RBM27: variants seen among roughly 807,000 people sequenced by gnomAD.
RBM27 encodes the protein RNA-binding protein 27.
In RBM27, 22 loss-of-function variants were observed where a neutral mutation model predicts 135.3. That is an observed-to-expected ratio of 0.16 (90% CI 0.12 to 0.23). The LOEUF (loss-of-function observed/expected upper bound fraction) is 0.23, where lower values mean the gene tolerates loss of function less well. Ranked by LOEUF, RBM27 falls within the 10% of genes least tolerant of loss-of-function variation. The probability of loss-of-function intolerance (pLI) is 1.00; values close to 1 mark genes in which losing one functional copy is unlikely to be tolerated. For missense variants in RBM27, 1,009 were observed against 1,281.0 expected (o/e 0.79, Z 3.24); for synonymous variants, 481 against 442.4 (o/e 1.09, Z -1.10).
intron 19 of RBM27, among the ~76,000 whole-genome samples, chr5:146,282,102 C>T (rs1759384283): frequency 6.9e-6 from 1 of 144,368 alleles, no homozygotes; most frequent in Non-Finnish European, 1.5e-5. Flanking sequence ...CTCATGGGTT[C>T]AAGCGATTCT....
At chr5:146,206,749 T>A (rs1216491583) in intron 1 of RBM27, among the ~76,000 whole-genome samples, 1 of 151,516 alleles carries the variant, frequency 6.6e-6, no homozygotes, top group Non-Finnish European at 1.5e-5. Context: ...CCCGGCTAAT[T>A]TTTTGTATTT....
intron 19 of RBM27, among the ~76,000 whole-genome samples, chr5:146,272,270 CTG>C (rs1429802422): frequency 6.6e-6 from 1 of 152,172 alleles, no homozygotes; most frequent in Non-Finnish European, 1.5e-5. Flanking sequence ...ACATGCAAAA[CTG>C]TGTACATGTG....
rs752989258 is a variant in RBM27 at position 146,263,585 on chromosome 5, C to G, written c.2285C>G (p.Ala762Gly). The stretch of plus-strand genomic sequence containing the variant: ...CATGCAGGTGGTAACCAGAGTGATG[C>G]ATCACATTTGTTGAATCAGTCTGGT... ...LGHAGGNQSD[A>G]SHLLNQSGGA... Residue 762 changes from alanine (A) to glycine (G), a missense_variant, in exon 14 of 21, where the codon GCA becomes GGA. Transcript: ENST00000265271. 4 of 1,614,108 alleles carry G rather than the reference C, an allele frequency of 2.5e-6. No homozygotes were observed. The African/African-American group carries it at 4.0e-5, about 16-fold the overall frequency.
chr5:146,284,266 T>A, intron 19 of RBM27, among the ~76,000 whole-genome samples: 1 of 152,132 alleles, frequency 6.6e-6, no homozygotes, highest in East Asian at 1.9e-4. Context: ...TGAGTCTATA[T>A]ATGTAGATAT....
intron 19 of RBM27, among the ~76,000 whole-genome samples, chr5:146,277,791 C>T (rs1179550017): frequency 6.6e-6 from 1 of 151,776 alleles, no homozygotes; most frequent in Admixed American, 6.6e-5. Context: ...CCTCGGCCTC[C>T]CAAAGTGCTG....
intron 2 of RBM27, among the ~76,000 whole-genome samples, chr5:146,219,636 A>G (rs945367809): frequency 2.6e-5 from 4 of 151,422 alleles, no homozygotes; most frequent in Non-Finnish European, 5.9e-5. Flanking sequence ...CACTTGTTCC[A>G]CTCTAGCCAC....
chr5:146,261,368 C>A, intron 12 of RBM27, 142 bp from the exon 13 acceptor site: 1 of 719,586 alleles, frequency 1.4e-6, no homozygotes, highest in Non-Finnish European at 2.3e-6. Flanking sequence ...ATCCTAAAAG[C>A]TCTATCTCTA....
intron 3 of RBM27, among the ~76,000 whole-genome samples, chr5:146,227,454 G>A (rs1029876616): frequency 6.6e-5 from 10 of 152,254 alleles, no homozygotes; most frequent in African/African-American, 2.4e-4. Flanking sequence ...TGTGGCTGCC[G>A]TTTTATGTTG....
intron 19 of RBM27, among the ~76,000 whole-genome samples, chr5:146,282,392 C>T (rs1759401045): frequency 1.3e-5 from 2 of 152,192 alleles, no homozygotes; most frequent in African/African-American, 4.8e-5. Flanking sequence ...TTTTTAACTA[C>T]ACATGTACAC....
chr5:146,259,199 A>G (rs1217575344), intron 11 of RBM27, among the ~76,000 whole-genome samples: 1 of 152,156 alleles, frequency 6.6e-6, no homozygotes, highest in Non-Finnish European at 1.5e-5. Flanking sequence ...GTACCTTTGC[A>G]GAAGTTGAAA....
chr5:146,208,106 G>A (rs924852948), intron 1 of RBM27, among the ~76,000 whole-genome samples: 1 of 151,640 alleles, frequency 6.6e-6, no homozygotes, highest in African/African-American at 2.4e-5. Flanking sequence ...ACAGGTGCCC[G>A]CCACTACGCC....
At chr5:146,222,390 TA>T (rs1293388225) in intron 2 of RBM27, among the ~76,000 whole-genome samples, 1 of 152,168 alleles carries the variant, frequency 6.6e-6, no homozygotes, top group Non-Finnish European at 1.5e-5. Flanking sequence ...GATTTGGTTT[TA>T]ATAAGACATA....
chr5:146,228,930 C>G lies in RBM27; in HGVS notation c.304-16C>G, dbSNP rs1756804266. On this transcript the variant is annotated splice_polypyrimidine_tract_variant and intron_variant, in intron 3 of 20. Coordinates refer to ENST00000265271, the MANE Select transcript of RBM27 (RefSeq NM_018989.2). ...GCCTGGCCCTGCTCTTACTTCTACT[C>G]AATATTTTCATATAGGTATTTCAGG... The G allele has an allele frequency of 6.2e-7, 1 of 1,608,076 alleles. No homozygotes were observed. The highest frequency in any genetic ancestry group is 1.3e-5 in the African/African-American group (1 of 74,710).
In RBM27 at chr5:146,220,408, G is replaced by C. The variant is rs941208241; in HGVS notation, c.178+1305G>C. Among the ~76,000 whole-genome samples, 9 of 150,186 alleles carry C rather than the reference G, an allele frequency of 6.0e-5. No individual in the cohort carries two copies. The Admixed American group carries it at 6.0e-4, about 10-fold the overall frequency. The stretch of plus-strand genomic sequence containing the variant: ...GAGAATTTCTTGAACCCAGGAGGCA[G>C]AGGTTGCAGTGAGCCAAGATCGCGC... On this transcript the variant is annotated intron_variant, in intron 2 of 20. Transcript: ENST00000265271.
At chr5:146,247,214 A>T (rs886673407) in intron 8 of RBM27, among the ~76,000 whole-genome samples, 4 of 152,206 alleles carry the variant, frequency 2.6e-5, no homozygotes, top group South Asian at 2.1e-4. Flanking sequence ...ATTCAGCTTA[A>T]TGACATGATT....
At position 146,267,671 on chromosome 5, in the gene RBM27, CA is replaced by C; in HGVS notation, c.2359del (p.Met787Ter). The C allele has an allele frequency of 6.3e-7, 1 of 1,585,850 alleles. No individual in the cohort carries two copies. Among genetic ancestry groups the C allele is most frequent in the Non-Finnish European group, 8.6e-7 (1 of 1,161,142 alleles). ...TAGATATTTTCAACTCCAGGCCATC[CA>C]AAAATGATTTACAGCTCCTCAAACT... is the stretch of plus-strand genomic sequence containing the variant. ...DCQIFSTPGH[P>X]KMIYSSSNLK... On this transcript the variant is annotated frameshift_variant, in exon 15 of 21. Coordinates refer to ENST00000265271, the MANE Select transcript of RBM27 (RefSeq NM_018989.2). LOFTEE classifies it high-confidence loss of function.
chr5:146,204,101 C>A (rs984024533), intron 1 of RBM27, among the ~76,000 whole-genome samples: 5 of 151,962 alleles, frequency 3.3e-5, no homozygotes, highest in African/African-American at 1.2e-4. Flanking sequence ...GAAGGGGTAG[C>A]AGGGGCCGTG....
At chr5:146,205,945 A>G (rs1755627100) in intron 1 of RBM27, among the ~76,000 whole-genome samples, 1 of 152,138 alleles carries the variant, frequency 6.6e-6, no homozygotes, top group African/African-American at 2.4e-5. Flanking sequence ...CTTGAATCCC[A>G]GGAAGTGTAG....
chr5:146,253,421 T>C (rs1194158193), intron 9 of RBM27, among the ~76,000 whole-genome samples: 1 of 152,122 alleles, frequency 6.6e-6, no homozygotes, highest in African/African-American at 2.4e-5. Flanking sequence ...TTCTGTGCCA[T>C]TGTTCTCTGA....
Sources: gnomAD v4.1 joint callset for allele counts (sites outside exome capture counted in the v4.1 genomes callset) on GRCh38, gnomAD v4.1.1 for gene constraint, MANE v1.5 for transcripts, NCBI Gene and HGNC (gene_info 2026-07-23, HGNC 2026-07-21) for gene names.